Variants in PALD1 observed in about 807,000 individuals in gnomAD.
The protein encoded by PALD1 is phosphatase domain containing paladin 1, also known as paladin.
A neutral mutation model predicts 96.0 loss-of-function variants in PALD1; 57 were observed. The ratio of observed to expected loss-of-function variants is 0.59; its 90% CI spans 0.48 to 0.74. PALD1 has a LOEUF of 0.74. Among genes scored for constraint, PALD1 ranks in the 30% least tolerant of loss-of-function variants. The pLI is 0.00. For synonymous variants in PALD1, 464 were observed against 473.6 expected (o/e 0.98, Z 0.26); for missense variants, 1,063 against 1,143.7 (o/e 0.93, Z 1.02).
chr10:70,461,281 G>A, the PALD1 span, among the ~76,000 whole-genome samples: 2 of 152,168 alleles, frequency 1.3e-5, no homozygotes, highest in African/African-American at 4.8e-5. Context: ...TAGCTTAAGG[G>A]ATGACCTCCT....
rs534768399 is a variant in PALD1 at position 70,478,918 on chromosome 10, G to T, written c.-171G>T. The T allele has an allele frequency of 6.6e-6, 1 of 152,178 alleles. No individual in the cohort carries two copies. The highest frequency in any genetic ancestry group is 2.1e-4 in the South Asian group (1 of 4,832). 9.4% of individuals were successfully genotyped at this position (152,178 alleles called of 1,614,324 possible). ...CCGGAGCCACCTCTGCCCCCGCATG[G>T]GCTGGCGAAGTTGGGAGGAGCGAGC... On this transcript the variant is annotated 5_prime_UTR_variant, in exon 1 of 20. Coordinates refer to ENST00000263563, the MANE Select transcript of PALD1 (RefSeq NM_014431.3).
rs138127519 is a variant in PALD1 at position 70,531,388 on chromosome 10, T to C, written c.567T>C (p.His189=). The part of the protein sequence containing the change: ...SYTPRDKQNL[H]ENLQGLGPGV... ...CACCTCGAGACAAGCAGAACCTTCA[T>C]GAGAACCTCCAGGGCCTTGGACCCG... Residue 189 remains histidine (H), a synonymous_variant, in exon 5 of 20, where the codon CAT becomes CAC. Transcript: ENST00000263563. 572 of 1,614,074 alleles carry C rather than the reference T, an allele frequency of 3.5e-4. 1 individual carries two copies. The highest frequency in any genetic ancestry group is 2.6e-3 in the Middle Eastern group (16 of 6,062).
intron 18 of PALD1, among the ~76,000 whole-genome samples, chr10:70,559,553 T>C (rs1039063004): frequency 6.6e-6 from 1 of 152,136 alleles, no homozygotes; most frequent in African/African-American, 2.4e-5. Context: ...GGGCTGTCGC[T>C]GAGTCAAGGG....
chr10:70,547,511 G>C, intron 18 of PALD1, 65 bp downstream of exon 18: 1 of 1,203,492 alleles, frequency 8.3e-7, no homozygotes, highest in Non-Finnish European at 1.1e-6. Flanking sequence ...CACAGCCAGG[G>C]AGTGGCTGAT....
the PALD1 span, among the ~76,000 whole-genome samples, chr10:70,472,747 C>T: frequency 1.4e-4 from 22 of 152,118 alleles, no homozygotes; most frequent in South Asian, 2.5e-3. Flanking sequence ...ACCTTTCTGA[C>T]GGCAGTAGTG....
At chr10:70,466,417 G>T in the PALD1 span, among the ~76,000 whole-genome samples, 1 of 151,938 alleles carries the variant, frequency 6.6e-6, no homozygotes, top group African/African-American at 2.4e-5. Context: ...GCTAATTTTT[G>T]TATTTTTAGT....
rs1847205638 is a variant in PALD1, at chr10:70,539,866, A to G, written c.1908+104A>G. The G allele has an allele frequency of 2.9e-6, 3 of 1,029,408 alleles. No individual in the cohort carries two copies. Among genetic ancestry groups the G allele is most frequent in the Admixed American group, 2.6e-5 (1 of 39,074 alleles). The allele number at this position is 1,029,408 out of a possible 1,614,324, so 63.8% of individuals were successfully genotyped here. A position where few individuals can be genotyped will look rare whatever the true frequency, so the allele number is the denominator to read the frequency against. ...AGAATGAAACGACCCCAGCTTCTCT[A>G]CGGGGCCCGGGAATGGTCTCACGAG... On this transcript the variant is annotated intron_variant, in intron 15 of 19. Transcript: ENST00000263563. The surrounding 1 kb of genome is among the most constrained non-coding windows in gnomAD (Gnocchi z 4.5).
chr10:70,470,752 G>A, the PALD1 span, among the ~76,000 whole-genome samples: 2,101 of 151,344 alleles, frequency 0.014, 27 homozygotes, highest in Non-Finnish European at 0.02. Flanking sequence ...GGAACTACAG[G>A]CACGCACCAC....
At chr10:70,503,411 G>A (rs993841765) in intron 1 of PALD1, among the ~76,000 whole-genome samples, 7 of 152,136 alleles carry the variant, frequency 4.6e-5, no homozygotes, top group Non-Finnish European at 1.0e-4. Flanking sequence ...CAAGGCGGGT[G>A]GATCACCTTA....
At chr10:70,498,851 C>A (rs111904660) in intron 1 of PALD1, among the ~76,000 whole-genome samples, 46 of 151,582 alleles carry the variant, frequency 3.0e-4, no homozygotes, top group African/African-American at 9.7e-4. Flanking sequence ...TTGCTTGAAC[C>A]TAGGAGGCAG....
intron 1 of PALD1, among the ~76,000 whole-genome samples, chr10:70,479,815 AC>A (rs1408118027): frequency 6.6e-6 from 1 of 152,154 alleles, no homozygotes; most frequent in East Asian, 1.9e-4. Context: ...GTGGCCGAGC[AC>A]CTCTTAAATG....
chr10:70,474,528 C>G (rs1472835461), upstream of PALD1, among the ~76,000 whole-genome samples: 3 of 152,190 alleles, frequency 2.0e-5, no homozygotes, highest in Non-Finnish European at 2.9e-5. Context: ...GCCACCACCA[C>G]TGCACTCCAG....
At chr10:70,485,171 A>ACTT (rs1564681019) in intron 1 of PALD1, among the ~76,000 whole-genome samples, 116 of 16,836 alleles carry the variant, frequency 6.9e-3, no homozygotes, top group African/African-American at 0.01. Flanking sequence ...ATTAAAGTTA[A>ACTT]ATTTTTTTTT....
At position 70,522,962 on chromosome 10, in the gene PALD1, G is replaced by A. The variant is rs189833968; in HGVS notation, c.-29-2961G>A. Among the ~76,000 whole-genome samples the A allele has an allele frequency of 1.9e-4, 29 of 152,336 alleles. No individual in the cohort carries two copies. The East Asian group carries it at 4.8e-3, about 25-fold the overall frequency. ...GTGGCCAGCAGGAGGAAGGCCCCACGCTGGTGAGGTTCTTTCTGGCAGAGT... is the reference window on the plus strand; with the variant it reads ...GTGGCCAGCAGGAGGAAGGCCCCACACTGGTGAGGTTCTTTCTGGCAGAGT... On this transcript the variant is annotated intron_variant, in intron 1 of 19. Transcript: ENST00000263563.
chr10:70,476,187 G>A (rs574380534), upstream of PALD1, among the ~76,000 whole-genome samples: 8 of 152,284 alleles, frequency 5.3e-5, no homozygotes, highest in South Asian at 1.7e-3. Context: ...TTGGGCTTCT[G>A]CTCTGAGCTT....
In PALD1 at chr10:70,539,230, G is replaced by A. The variant is rs1372473987; in HGVS notation, c.1708G>A (p.Ala570Thr). Reference protein sequence around the residue: ...YSLRWPGPPVAPDQLETLEAQ... With the variant: ...YSLRWPGPPVTPDQLETLEAQ... Reference sequence around the variant, plus strand: ...CCTGCGGTGGCCTGGGCCCCCTGTGGCTCCTGACCAGCTGGAGGTGAGGCC... The same window carrying A: ...CCTGCGGTGGCCTGGGCCCCCTGTGACTCCTGACCAGCTGGAGGTGAGGCC... Residue 570 changes from alanine to threonine, a missense_variant, in exon 14 of 20, where the codon GCT becomes ACT. Ala to Thr is a moderately conservative substitution (Grantham distance 58). Transcript: ENST00000263563. This position sits in a 1 kb window ranked among gnomAD's most constrained non-coding sequence, Gnocchi z 4.5. 1 of 1,610,820 alleles carries A rather than the reference G, an allele frequency of 6.2e-7. No homozygotes were observed. Among genetic ancestry groups the A allele is most frequent in the Non-Finnish European group, 8.5e-7 (1 of 1,178,854 alleles).
Position 70,567,504 on chromosome 10 carries a change from G to A in PALD1, c.*771G>A, listed in dbSNP as rs2132457971. ...TCCACTTGTCTGGGAACCTGGGCAG[G>A]AGGCACAGAGGAAGCCAAGGCCTGG... On this transcript the variant is annotated 3_prime_UTR_variant, in exon 20 of 20. Coordinates refer to ENST00000263563, the MANE Select transcript of PALD1 (RefSeq NM_014431.3). The A allele has an allele frequency of 6.5e-6, 1 of 152,924 alleles. No individual in the cohort carries two copies. The highest frequency in any genetic ancestry group is 2.4e-5 in the African/African-American group (1 of 41,570). 9.5% of individuals were successfully genotyped at this position (152,924 alleles called of 1,614,324 possible). A position where few individuals can be genotyped will look rare whatever the true frequency, so the allele number is the denominator to read the frequency against.
chr10:70,524,756 A>G (rs754706082), intron 1 of PALD1, among the ~76,000 whole-genome samples: 1 of 152,128 alleles, frequency 6.6e-6, no homozygotes, highest in Non-Finnish European at 1.5e-5. Context: ...ATTCTACCCT[A>G]TAGATGTCTC....
In PALD1 at chr10:70,539,344, G is replaced by T; in HGVS notation, c.1725+97G>T. 1 of 1,305,918 alleles carries T rather than the reference G, an allele frequency of 7.7e-7. No individual in the cohort carries two copies. The highest frequency in any genetic ancestry group is 2.5e-5 in the East Asian group (1 of 39,646). The allele number at this position is 1,305,918 out of a possible 1,614,324, so 80.9% of individuals were successfully genotyped here. A position where few individuals can be genotyped will look rare whatever the true frequency, so the allele number is the denominator to read the frequency against. ...AGGCCTCACACTCCCGCAGACAGAT[G>T]GAGAATCTGAGGCCCCGGGAGGAGC... On this transcript the variant is annotated intron_variant, in intron 14 of 19. Coordinates refer to ENST00000263563, the MANE Select transcript of PALD1 (RefSeq NM_014431.3). This position sits in a 1 kb window ranked among gnomAD's most constrained non-coding sequence, Gnocchi z 4.5.
Sources: allele counts gnomAD v4.1 joint callset (sites outside exome capture counted in the v4.1 genomes callset), GRCh38; gene constraint gnomAD v4.1.1; non-coding constraint Gnocchi (gnomAD v3.1); transcripts MANE v1.5; gene names NCBI Gene and HGNC (gene_info 2026-07-23, HGNC 2026-07-21).